The following SYNPO2 variants were observed in gnomAD, a reference collection of about 807,000 sequenced individuals.
SYNPO2 encodes synaptopodin-2.
SYNPO2 carries 56 observed loss-of-function variants against 85.0 expected under a neutral mutation model. The observed-to-expected ratio is 0.66, with a 90% CI of 0.53 to 0.82. The LOEUF is 0.82. SYNPO2 is among the 40% of genes least tolerant of loss of function. The pLI is 0.00. For synonymous variants in SYNPO2, 602 were observed against 591.1 expected (o/e 1.02, Z -0.27); for missense variants, 1,575 against 1,534.2 (o/e 1.03, Z -0.44).
At chr4:118,889,849 T>G (rs762017427) in intron 1 of SYNPO2, among the ~76,000 whole-genome samples, 24 of 152,230 alleles carry the variant, frequency 1.6e-4, no homozygotes, top group African/African-American at 5.1e-4. Context: ...CTTTAAGTTT[T>G]TATTGCCATT....
intron 1 of SYNPO2, among the ~76,000 whole-genome samples, chr4:118,853,996 T>C (rs1731466104): frequency 6.6e-6 from 1 of 152,210 alleles, no homozygotes. Flanking sequence ...CAATGCTTTT[T>C]TAAAAAAATG....
intron 1 of SYNPO2, among the ~76,000 whole-genome samples, chr4:118,880,275 G>T (rs1314887116): frequency 6.6e-6 from 1 of 152,128 alleles, no homozygotes; most frequent in African/African-American, 2.4e-5. Context: ...AAGCAGTTAG[G>T]CTATCTGTAT....
At chr4:118,948,604 G>A (rs1734584207) in intron 1 of SYNPO2, among the ~76,000 whole-genome samples, 1 of 152,166 alleles carries the variant, frequency 6.6e-6, no homozygotes, top group African/African-American at 2.4e-5. Context: ...GAGGACCTCA[G>A]GAAGCTTTCA....
intron 1 of SYNPO2, among the ~76,000 whole-genome samples, chr4:118,963,584 G>A (rs1578590245): frequency 6.6e-6 from 1 of 152,268 alleles, no homozygotes; most frequent in East Asian, 1.9e-4. Context: ...AAGTAGCTGA[G>A]TCTACAGGTG....
intron 1 of SYNPO2, among the ~76,000 whole-genome samples, chr4:118,880,764 A>T (rs1732073188): frequency 6.8e-6 from 1 of 146,444 alleles, no homozygotes. Flanking sequence ...AAAAAAAAAA[A>T]TTATGCAAGC....
intron 1 of SYNPO2, among the ~76,000 whole-genome samples, chr4:118,995,903 TATC>T (rs35636913): frequency 6.8e-6 from 1 of 146,524 alleles, no homozygotes; most frequent in South Asian, 2.2e-4. Flanking sequence ...TCTATCTATC[TATC>T]ATCTATCTAA....
At position 119,038,381 on chromosome 4, in the gene SYNPO2, AT is replaced by A. The variant is rs966207820; in HGVS notation, c.3252+6355del. The stretch of plus-strand genomic sequence containing the variant: ...TCTGTTTTATTAGTAAAAAAAAAAA[AT>A]GAAATTTACAGCAATGTTGTGTGAC... On this transcript the variant is annotated intron_variant, in intron 4 of 4. Coordinates refer to ENST00000307142, the MANE Select transcript of SYNPO2 (RefSeq NM_133477.3). The A allele has an allele frequency of 6.1e-6, 6 of 984,674 alleles. No homozygotes were observed. In the African/African-American group the frequency reaches 1.1e-4, roughly 17 times the overall value. The allele number at this position is 984,674 out of a possible 1,614,324, so 61.0% of individuals were successfully genotyped here.
intron 1 of SYNPO2, among the ~76,000 whole-genome samples, chr4:118,917,171 C>T (rs540145916): frequency 4.6e-5 from 7 of 152,282 alleles, no homozygotes; most frequent in Middle Eastern, 3.4e-3. Flanking sequence ...GCGGGTGGAT[C>T]GCCTGACGTC....
At chr4:118,902,535 A>G (rs1732793022) in intron 1 of SYNPO2, among the ~76,000 whole-genome samples, 1 of 152,100 alleles carries the variant, frequency 6.6e-6, no homozygotes, top group Admixed American at 6.5e-5. Flanking sequence ...AACCGCCCCC[A>G]TGATTTAATT....
chr4:118,981,119 A>G (rs1735991077), intron 1 of SYNPO2, among the ~76,000 whole-genome samples: 1 of 152,236 alleles, frequency 6.6e-6, no homozygotes, highest in Non-Finnish European at 1.5e-5. Flanking sequence ...AGCATTTTCC[A>G]TGCAAAAATC....
intron 1 of SYNPO2, among the ~76,000 whole-genome samples, chr4:118,876,680 TC>T (rs1731923263): frequency 2.2e-4 from 5 of 22,722 alleles, no homozygotes; most frequent in African/African-American, 9.2e-4. Flanking sequence ...TTTCTTTCTT[TC>T]TTTCTTTCTT....
At chr4:118,915,650 T>C (rs991180357) in intron 1 of SYNPO2, among the ~76,000 whole-genome samples, 14 of 152,136 alleles carry the variant, frequency 9.2e-5, no homozygotes, top group African/African-American at 3.1e-4. Context: ...TACTAGAACA[T>C]GTTTCCTCTT....
At chr4:118,917,583 A>C (rs1002018921) in intron 1 of SYNPO2, among the ~76,000 whole-genome samples, 2 of 152,220 alleles carry the variant, frequency 1.3e-5, no homozygotes, top group Admixed American at 1.3e-4. Flanking sequence ...CTTCTTCTGT[A>C]GCTTTGCTGT....
At chr4:118,860,426 T>G (rs2110565054) in intron 1 of SYNPO2, among the ~76,000 whole-genome samples, 1 of 152,190 alleles carries the variant, frequency 6.6e-6, no homozygotes, top group Non-Finnish European at 1.5e-5. Flanking sequence ...GTGTTTTTTG[T>G]AGAGATGGGG....
chr4:119,057,771 C>A lies in SYNPO2; in HGVS notation c.3623C>A (p.Ser1208Tyr). The part of the protein sequence containing the change: ...EYNVTANNNM[S>Y]TTSQYGSQLP... ...AATGTCACAGCCAATAATAATATGT[C>A]CACCACCTCCCAATATGGTTCACAG... The change falls in exon 5 of 5, where the codon TCC becomes TAC. Residue 1208 changes from serine to tyrosine, a missense_variant. Coordinates refer to ENST00000307142, the MANE Select transcript of SYNPO2 (RefSeq NM_133477.3). The A allele has an allele frequency of 6.2e-7, 1 of 1,614,040 alleles. No homozygotes were observed.
At chr4:119,001,470 A>G (rs910677467) in intron 1 of SYNPO2, among the ~76,000 whole-genome samples, 1 of 152,252 alleles carries the variant, frequency 6.6e-6, no homozygotes, top group Non-Finnish European at 1.5e-5. Flanking sequence ...TCCATAGCAC[A>G]TAGATTATTT....
chr4:118,883,078 A>G (rs952301526), intron 1 of SYNPO2, among the ~76,000 whole-genome samples: 52 of 150,850 alleles, frequency 3.4e-4, no homozygotes, highest in Non-Finnish European at 1.3e-4. Context: ...TTTTTTTTTA[A>G]AGGCCTTTTA....
chr4:118,994,558 G>A (rs554159198), intron 1 of SYNPO2, among the ~76,000 whole-genome samples: 6 of 152,090 alleles, frequency 3.9e-5, no homozygotes, highest in African/African-American at 1.2e-4. Context: ...CTGGGGAATC[G>A]CTGAGTTTGA....
chr4:118,871,713 C>A (rs1043182050), intron 1 of SYNPO2, among the ~76,000 whole-genome samples: 1 of 152,032 alleles, frequency 6.6e-6, no homozygotes, highest in Non-Finnish European at 1.5e-5. Flanking sequence ...GGACTACAGG[C>A]GCCTGCCACC....
Sources: allele counts gnomAD v4.1 joint callset (sites outside exome capture counted in the v4.1 genomes callset), GRCh38; gene constraint gnomAD v4.1.1; transcripts MANE v1.5; gene names NCBI Gene and HGNC (gene_info 2026-07-23, HGNC 2026-07-21).